The following SP140 variants were observed in gnomAD, a reference collection of about 807,000 sequenced individuals.
SP140 encodes SP140 nuclear body protein, also known as nuclear body protein SP140.
In SP140, 81 loss-of-function variants were observed where a neutral mutation model predicts 125.0. The observed-to-expected ratio is 0.65, with a 90% confidence interval of 0.54 to 0.78. The LOEUF is 0.78. Ranked by LOEUF, SP140 falls within the 30% of genes least tolerant of loss-of-function variation. The pLI, the probability that SP140 is intolerant of heterozygous loss-of-function variation, is 0.00. For missense variants in SP140, 858 were observed against 1,037.0 expected, an observed-to-expected ratio of 0.83 and a Z score of 2.37; for synonymous variants, 312 against 354.0, an observed-to-expected ratio of 0.88 and a Z score of 1.33.
chr2:230,191,048 C>A, the SP140 span, among the ~76,000 whole-genome samples: 2 of 152,096 alleles, frequency 1.3e-5, no homozygotes, highest in Non-Finnish European at 2.9e-5. Context: ...GGATCTTCTT[C>A]GATTCCATAT....
chr2:230,281,214 A>G (rs1269854599), intron 15 of SP140, among the ~76,000 whole-genome samples: 1 of 152,178 alleles, frequency 6.6e-6, no homozygotes, highest in East Asian at 1.9e-4. Flanking sequence ...ACATCAATAT[A>G]CTTTCACATA....
chr2:230,289,432 T>G (rs1417242627), intron 18 of SP140, among the ~76,000 whole-genome samples: 2 of 152,202 alleles, frequency 1.3e-5, no homozygotes, highest in Non-Finnish European at 1.5e-5. Context: ...ATCTTTCTTA[T>G]TAGTCCATCC....
chr2:230,273,366 G>A (rs1260468624), intron 15 of SP140, among the ~76,000 whole-genome samples: 1 of 152,200 alleles, frequency 6.6e-6, no homozygotes, highest in East Asian at 1.9e-4. Flanking sequence ...CTGATGATTA[G>A]AGAAATGCAA....
At chr2:230,284,243 G>A (rs1198853373) in intron 15 of SP140, 103 bp from the exon 16 acceptor site, 46 of 1,159,598 alleles carry the variant, frequency 4.0e-5, no homozygotes, top group South Asian at 5.9e-5. Context: ...CCATTCCTGC[G>A]GACCAAAGTA....
chr2:230,260,950 A>AGAG (rs1198618961), intron 12 of SP140, among the ~76,000 whole-genome samples: 1 of 152,030 alleles, frequency 6.6e-6, no homozygotes, highest in Non-Finnish European at 1.5e-5. Flanking sequence ...TATGAATTTT[A>AGAG]GAGGTGTTTT....
intron 9 of SP140, among the ~76,000 whole-genome samples, chr2:230,249,302 A>C (rs181162202): frequency 2.0e-5 from 3 of 152,268 alleles, no homozygotes; most frequent in East Asian, 3.9e-4. Flanking sequence ...ATGGCAACTG[A>C]CGCAGGGGAG....
chr2:230,226,874 TAAA>T (rs1190744807), intron 1 of SP140, among the ~76,000 whole-genome samples: 2 of 151,842 alleles, frequency 1.3e-5, no homozygotes, highest in Non-Finnish European at 1.5e-5. Flanking sequence ...TTCTAAAAAT[TAAA>T]AACATAAATA....
rs1403216743 is a variant in SP140 at position 230,211,304 on chromosome 2, G to A, written c.-322-2350G>A. ...GGGACTCTGTATCCATTCAGAGGTC[G>A]GGTCTCCTGCCTGTTCAAGCTCCCA... On this transcript the variant is annotated intron_variant, in intron 1 of 4. Transcript: ENST00000456542. This position sits in a 1 kb window ranked among gnomAD's most constrained non-coding sequence, Gnocchi z 4.2. Among the ~76,000 whole-genome samples the A allele has an allele frequency of 6.6e-6, 1 of 152,130 alleles. No homozygotes were observed. The highest frequency in any genetic ancestry group is 2.4e-5 in the African/African-American group (1 of 41,412).
chr2:230,263,477 GGTACCATTGCATTC>G (rs2052597669), intron 12 of SP140, among the ~76,000 whole-genome samples: 1 of 152,122 alleles, frequency 6.6e-6, no homozygotes, highest in Non-Finnish European at 1.5e-5. Context: ...TAAAATGTGA[GGTACCATTGCATTC>G]ATTGTGCTTT....
At chr2:230,308,267 G>A (rs1297367553) in intron 22 of SP140, among the ~76,000 whole-genome samples, 1 of 151,850 alleles carries the variant, frequency 6.6e-6, no homozygotes, top group Non-Finnish European at 1.5e-5. Flanking sequence ...AGGGATAAAA[G>A]ACTACACATT....
At chr2:230,313,758 A>G (rs1249871573), downstream of SP140, among the ~76,000 whole-genome samples, 1 of 152,244 alleles carries the variant, frequency 6.6e-6, no homozygotes, top group African/African-American at 2.4e-5. Context: ...GCTGGGCAGA[A>G]TATGGATAGC....
intron 9 of SP140, among the ~76,000 whole-genome samples, chr2:230,250,721 TGCCTA>T (rs1485417197): frequency 1.9e-4 from 29 of 151,988 alleles, no homozygotes; most frequent in African/African-American, 6.5e-4. Context: ...AGAAGAAATG[TGCCTA>T]GGAAAGGGGG....
chr2:230,204,589 A>G (rs2043550550), intron 1 of SP140, among the ~76,000 whole-genome samples: 1 of 152,108 alleles, frequency 6.6e-6, no homozygotes, highest in Non-Finnish European at 1.5e-5. Flanking sequence ...GGGTTACAGA[A>G]AGTATGGTTT....
chr2:230,302,891 T>A (rs2058420991), intron 22 of SP140, among the ~76,000 whole-genome samples: 1 of 152,070 alleles, frequency 6.6e-6, no homozygotes. Context: ...TATCAAAACC[T>A]CTGGGATACA....
At chr2:230,210,564 A>G (rs1292454301) in intron 1 of SP140, among the ~76,000 whole-genome samples, 1 of 152,244 alleles carries the variant, frequency 6.6e-6, no homozygotes, top group African/African-American at 2.4e-5. Context: ...AATGCCTTAT[A>G]TATTTCTGTA....
At chr2:230,259,856 G>C (rs141514025) in intron 12 of SP140, among the ~76,000 whole-genome samples, 2,033 of 148,678 alleles carry the variant, frequency 0.014, 35 homozygotes, top group African/African-American at 0.048. Context: ...TGGGCATTTG[G>C]GTTGGTTCCA....
chr2:230,238,802 C>G, intron 3 of SP140: 1 of 1,554,518 alleles, frequency 6.4e-7, no homozygotes, highest in Non-Finnish European at 8.7e-7. Context: ...ACTTGTTTCT[C>G]CAAACAAAGA....
intron 15 of SP140, 101 bp downstream of exon 15, chr2:230,270,740 A>G (rs1024172266): frequency 8.7e-7 from 1 of 1,149,030 alleles, no homozygotes; most frequent in African/African-American, 1.5e-5. Context: ...TATTATTTGT[A>G]ATACTGTGGT....
intron 22 of SP140, among the ~76,000 whole-genome samples, chr2:230,301,283 G>T (rs1437401626): frequency 6.6e-6 from 1 of 152,148 alleles, no homozygotes; most frequent in African/African-American, 2.4e-5. Context: ...AATACAAGAA[G>T]CTCAAAGAAC....
Sources: gnomAD v4.1 joint callset for allele counts (sites outside exome capture counted in the v4.1 genomes callset) on GRCh38, gnomAD v4.1.1 for gene constraint, Gnocchi (gnomAD v3.1) non-coding constraint, MANE v1.5 for transcripts, NCBI Gene and HGNC (gene_info 2026-07-23, HGNC 2026-07-21) for gene names.